TANC2: variants seen among roughly 807,000 people sequenced by gnomAD.
TANC2 encodes the protein tetratricopeptide repeat, ankyrin repeat and coiled-coil containing 2.
In TANC2, 26 loss-of-function variants were observed where a neutral mutation model predicts 210.5. That is an observed-to-expected ratio of 0.12 (90% CI 0.09 to 0.17). The LOEUF (loss-of-function observed/expected upper bound fraction) is 0.17. Among genes scored for constraint, TANC2 ranks in the 10% least tolerant of loss-of-function variants. The pLI is 1.00. For synonymous variants in TANC2, 931 were observed against 967.1 expected, an observed-to-expected ratio of 0.96 and a Z score of 0.69; for missense variants, 2,129 against 2,608.9, an observed-to-expected ratio of 0.82 and a Z score of 4.01.
At chr17:63,185,615 A>G (rs1414850471) in intron 5 of TANC2, among the ~76,000 whole-genome samples, 1 of 152,208 alleles carries the variant, frequency 6.6e-6, no homozygotes, top group Non-Finnish European at 1.5e-5. Flanking sequence ...ACCAGTTTAC[A>G]TTCCCATCAG....
At chr17:63,304,917 C>T (rs555615543) in intron 9 of TANC2, among the ~76,000 whole-genome samples, 4 of 152,336 alleles carry the variant, frequency 2.6e-5, no homozygotes, top group Non-Finnish European at 5.9e-5. Flanking sequence ...ACTAAGCCAT[C>T]CATCCTCCCT....
intron 3 of TANC2, among the ~76,000 whole-genome samples, chr17:63,087,448 T>C (rs1254605845): frequency 2.6e-5 from 4 of 152,174 alleles, no homozygotes; most frequent in Non-Finnish European, 4.4e-5. Flanking sequence ...TTTGTTTTTT[T>C]TCTCCCTTCT....
intron 19 of TANC2, among the ~76,000 whole-genome samples, 167 bp from the exon 20 acceptor site, chr17:63,404,955 A>G (rs2048455953): frequency 6.6e-6 from 1 of 152,230 alleles, no homozygotes. Context: ...GTCTTTATTC[A>G]TTATTTTTCT....
At position 63,385,022 on chromosome 17, in the gene TANC2, C is replaced by G. The variant is rs141566031; in HGVS notation, c.2692-3613C>G. On this transcript the variant is annotated intron_variant, in intron 15 of 27. Transcript: ENST00000689528. ...GTAAAAACAGATTTGGCCTCTAATT[C>G]TAGCTCCAGGAGTTGTGTTCCCTCC... is the stretch of plus-strand genomic sequence containing the variant. Among the ~76,000 whole-genome samples, 28 of 152,290 alleles carry G rather than the reference C, an allele frequency of 1.8e-4. No homozygotes were observed. In the East Asian group the frequency reaches 5.2e-3, roughly 28 times the overall value.
chr17:62,991,614 T>A (rs1294780836), intron 1 of TANC2, among the ~76,000 whole-genome samples: 1 of 144,116 alleles, frequency 6.9e-6, no homozygotes, highest in Non-Finnish European at 1.5e-5. Flanking sequence ...CACTCCAGCC[T>A]GGGTGACAGA....
chr17:63,073,960 C>G lies in TANC2; in HGVS notation c.85C>G (p.Pro29Ala), dbSNP rs750115471. ...TTATGCAGATGGAGGGAGCGAGGAACCACCGGATCGAAGACAGTCAAGTGT... is the reference window on the plus strand; with the variant it reads ...TTATGCAGATGGAGGGAGCGAGGAAGCACCGGATCGAAGACAGTCAAGTGT... Residue 29 changes from proline to alanine, a missense_variant, in exon 3 of 28, where the codon CCA becomes GCA. Physicochemically the swap from Pro to Ala is conservative, Grantham distance 27 (BLOSUM62 -1). Coordinates refer to ENST00000689528, the Ensembl canonical transcript of TANC2. The G allele has an allele frequency of 1.4e-5, 23 of 1,587,964 alleles. No individual in the cohort carries two copies. Among genetic ancestry groups the G allele is most frequent in the Admixed American group, 7.1e-5 (4 of 56,674 alleles).
chr17:63,382,650 AATAG>A (rs1339831914), intron 15 of TANC2, among the ~76,000 whole-genome samples: 1 of 152,222 alleles, frequency 6.6e-6, no homozygotes, highest in Non-Finnish European at 1.5e-5. Context: ...TAACAAATAT[AATAG>A]ATAACGCTTT....
chr17:63,111,042 G>C (rs2038021836), intron 4 of TANC2, among the ~76,000 whole-genome samples: 1 of 152,212 alleles, frequency 6.6e-6, no homozygotes, highest in Non-Finnish European at 1.5e-5. Context: ...GCCGGGAATG[G>C]TGGCTCACAC....
intron 9 of TANC2, among the ~76,000 whole-genome samples, chr17:63,305,888 A>C (rs2044884411): frequency 6.6e-6 from 1 of 152,208 alleles, no homozygotes; most frequent in Non-Finnish European, 1.5e-5. Flanking sequence ...TACTCTGTGA[A>C]GACTGCCTTG....
At chr17:63,143,517 T>C (rs1021666056) in intron 4 of TANC2, among the ~76,000 whole-genome samples, 1 of 152,202 alleles carries the variant, frequency 6.6e-6, no homozygotes, top group Admixed American at 6.5e-5. Flanking sequence ...AATGACTAAA[T>C]ACAGAAAAGC....
chr17:63,276,517 TCTC>T (rs2043879182), intron 9 of TANC2, among the ~76,000 whole-genome samples: 1 of 151,582 alleles, frequency 6.6e-6, no homozygotes, highest in South Asian at 2.1e-4. Context: ...TTTTAACTGT[TCTC>T]CAAAGATCTT....
intron 3 of TANC2, among the ~76,000 whole-genome samples, chr17:63,074,653 A>G (rs2036512107): frequency 6.6e-6 from 1 of 152,040 alleles, no homozygotes; most frequent in South Asian, 2.1e-4. Flanking sequence ...CTCTGTTCAA[A>G]ACTAGAATGG....
At chr17:63,359,710 A>G (rs2046900912) in intron 14 of TANC2, among the ~76,000 whole-genome samples, 1 of 152,146 alleles carries the variant, frequency 6.6e-6, no homozygotes, top group African/African-American at 2.4e-5. Context: ...ACTTCATGTA[A>G]TGAGTGTTGA....
At chr17:63,222,310 A>C (rs533260943) in intron 7 of TANC2, among the ~76,000 whole-genome samples, 1 of 152,328 alleles carries the variant, frequency 6.6e-6, no homozygotes, top group African/African-American at 2.4e-5. Context: ...TACAGACCAT[A>C]GCAGCTGAAA....
intron 4 of TANC2, among the ~76,000 whole-genome samples, chr17:63,146,509 A>G (rs899012481): frequency 6.6e-6 from 1 of 152,136 alleles, no homozygotes; most frequent in African/African-American, 2.4e-5. Flanking sequence ...ACTTTGTGAA[A>G]ATACTTTCTT....
chr17:63,390,695 G>A (rs545695358), intron 17 of TANC2: 2 of 152,060 alleles, frequency 1.3e-5, no homozygotes, highest in Non-Finnish European at 2.9e-5. Flanking sequence ...AAACTCGTTG[G>A]ATCAAGAGAT....
At chr17:63,000,359 G>A (rs1369664699) in intron 1 of TANC2, among the ~76,000 whole-genome samples, 2 of 152,240 alleles carry the variant, frequency 1.3e-5, no homozygotes, top group African/African-American at 4.8e-5. Context: ...TGCATGGGAT[G>A]TTTTACTTTT....
chr17:63,237,909 C>G, exon 8 of TANC2: 1 of 1,577,976 alleles, frequency 6.3e-7, no homozygotes, highest in Non-Finnish European at 8.6e-7. Flanking sequence ...AAAACCTTGG[C>G]AGTCTCAAAA....
chr17:63,408,345 G>A (rs2048583541), intron 21 of TANC2, among the ~76,000 whole-genome samples: 1 of 152,164 alleles, frequency 6.6e-6, no homozygotes, highest in Admixed American at 6.6e-5. Context: ...AAAGAAAAGA[G>A]AGAAGAGGAA....
Sources: allele counts gnomAD v4.1 joint callset (sites outside exome capture counted in the v4.1 genomes callset), GRCh38; gene constraint gnomAD v4.1.1; transcripts MANE v1.5; gene names NCBI Gene and HGNC (gene_info 2026-07-23, HGNC 2026-07-21).